Variants in AFG1L observed in about 807,000 individuals in gnomAD.
AFG1L encodes the protein AFG1-like ATPase.
Under a neutral mutation model 62.2 loss-of-function variants are expected in AFG1L, and 53 were observed. That is an observed-to-expected ratio of 0.85 (90% CI 0.68 to 1.07). The LOEUF (loss-of-function observed/expected upper bound fraction) is 1.07. Ranked by LOEUF, AFG1L falls within the 50% of genes least tolerant of loss-of-function variation. AFG1L has a pLI of 0.00. For synonymous variants in AFG1L, 228 were observed against 210.3 expected (o/e 1.08, Z -0.73); for missense variants, 555 against 590.5 (o/e 0.94, Z 0.62).
intron 7 of AFG1L, among the ~76,000 whole-genome samples, chr6:108,441,238 A>T (rs1771532472): frequency 6.6e-6 from 1 of 152,188 alleles, no homozygotes; most frequent in African/African-American, 2.4e-5. Flanking sequence ...GGTATTATTC[A>T]GGATTGCTAA....
intron 6 of AFG1L, among the ~76,000 whole-genome samples, chr6:108,378,993 C>CCTT: frequency 1.4e-5 from 2 of 148,094 alleles, no homozygotes; most frequent in Middle Eastern, 3.5e-3. Context: ...TTCTCCTTCT[C>CCTT]CTTCTTCTTT....
chr6:108,507,654 CATAAT>C (rs1272901062), intron 10 of AFG1L, among the ~76,000 whole-genome samples: 1 of 152,154 alleles, frequency 6.6e-6, no homozygotes, highest in Non-Finnish European at 1.5e-5. Context: ...TAACTACATA[CATAAT>C]ATGAGGTTTT....
chr6:108,412,375 G>C (rs1782157872), intron 7 of AFG1L, among the ~76,000 whole-genome samples: 1 of 152,156 alleles, frequency 6.6e-6, no homozygotes. Context: ...CCCAAACCTA[G>C]TGAGGCAGGC....
At chr6:108,338,895 A>G (rs1235005821) in intron 2 of AFG1L, among the ~76,000 whole-genome samples, 1 of 152,118 alleles carries the variant, frequency 6.6e-6, no homozygotes, top group African/African-American at 2.4e-5. Context: ...TTATTTATTT[A>G]TCTAGACAGA....
chr6:108,444,664 C>T (rs545687154), intron 7 of AFG1L, among the ~76,000 whole-genome samples: 1 of 152,274 alleles, frequency 6.6e-6, no homozygotes, highest in Non-Finnish European at 1.5e-5. Flanking sequence ...AGTGGATTGT[C>T]ATGAGCAGTA....
intron 8 of AFG1L, among the ~76,000 whole-genome samples, chr6:108,468,847 A>C (rs1345175429): frequency 1.3e-5 from 2 of 149,642 alleles, no homozygotes; most frequent in Non-Finnish European, 3.0e-5. Context: ...TGGATCTAGC[A>C]GTCCTATTTA....
At chr6:108,318,142 A>G (rs1777677506) in intron 1 of AFG1L, 1 of 189,194 alleles carries the variant, frequency 5.3e-6, no homozygotes, top group Admixed American at 6.0e-5. Flanking sequence ...CCAAGTACCA[A>G]CTTCATGCCA....
intron 2 of AFG1L, among the ~76,000 whole-genome samples, chr6:108,339,887 T>G (rs1778615094): frequency 6.6e-6 from 1 of 152,204 alleles, no homozygotes; most frequent in Non-Finnish European, 1.5e-5. Context: ...TCTCAAACAT[T>G]TATCCTTTGT....
chr6:108,372,583 C>T (rs1479741604), intron 6 of AFG1L, among the ~76,000 whole-genome samples: 1 of 152,162 alleles, frequency 6.6e-6, no homozygotes, highest in Non-Finnish European at 1.5e-5. Context: ...CCACCTCGGC[C>T]TCCCAAAGTG....
At position 108,325,370 on chromosome 6, in the gene AFG1L, C is replaced by T. The variant is rs182520881; in HGVS notation, c.363+1322C>T. Among the ~76,000 whole-genome samples the T allele has an allele frequency of 1.3e-4, 19 of 151,824 alleles. No homozygotes were observed. The East Asian group carries it at 1.9e-3, about 15-fold the overall frequency. The stretch of plus-strand genomic sequence containing the variant: ...GATATCTGAAGGGCACACCATGGCA[C>T]TCTACCCAGCTAACTTTCTACCTTG... On this transcript the variant is annotated intron_variant, in intron 2 of 12. Transcript: ENST00000368977.
chr6:108,372,415 C>T (rs548486165), intron 6 of AFG1L, among the ~76,000 whole-genome samples: 3 of 150,756 alleles, frequency 2.0e-5, no homozygotes, highest in Non-Finnish European at 3.0e-5. Context: ...CTGCAACCTC[C>T]GCCTCCTGGG....
At chr6:108,386,994 T>C (rs995021135) in intron 6 of AFG1L, among the ~76,000 whole-genome samples, 2 of 151,998 alleles carry the variant, frequency 1.3e-5, no homozygotes, top group African/African-American at 4.8e-5. Context: ...AAACAAATAA[T>C]AAAATCATGG....
At chr6:108,456,492 A>G (rs889361710) in intron 8 of AFG1L, among the ~76,000 whole-genome samples, 3 of 151,676 alleles carry the variant, frequency 2.0e-5, no homozygotes, top group African/African-American at 7.3e-5. Context: ...TATTTTTTAG[A>G]AAAAAATTAT....
At chr6:108,304,869 G>A (rs1000754068) in intron 1 of AFG1L, among the ~76,000 whole-genome samples, 2 of 152,148 alleles carry the variant, frequency 1.3e-5, no homozygotes, top group African/African-American at 4.8e-5. Context: ...GATACCAGAC[G>A]ACTAATAAAA....
Position 108,398,809 on chromosome 6 carries a change from T to G in AFG1L, c.749-3187T>G, listed in dbSNP as rs146409763. On this transcript the variant is annotated intron_variant, in intron 6 of 12. Transcript: ENST00000368977. ...CTCTATTTTGTTCTGTTGGTCTATG[T>G]GTCTGTTTTTGTGCCAGTACCATGC... Among the ~76,000 whole-genome samples the G allele has an allele frequency of 9.2e-4, 140 of 152,328 alleles. 1 individual carries two copies. The highest frequency in any genetic ancestry group is 3.0e-3 in the African/African-American group (125 of 41,578).
intron 3 of AFG1L, among the ~76,000 whole-genome samples, chr6:108,354,125 A>G (rs898136507): frequency 1.3e-5 from 2 of 152,136 alleles, no homozygotes; most frequent in Admixed American, 6.6e-5. Flanking sequence ...GCCAGGTACA[A>G]ACTGAGCTTG....
intron 10 of AFG1L, among the ~76,000 whole-genome samples, chr6:108,497,630 A>G (rs749668282): frequency 4.1e-4 from 62 of 152,104 alleles, no homozygotes; most frequent in Non-Finnish European, 8.2e-4. Flanking sequence ...CATAAGTTTT[A>G]TTTCTGGAAA....
intron 2 of AFG1L, among the ~76,000 whole-genome samples, chr6:108,341,849 T>G (rs1778695938): frequency 6.6e-6 from 1 of 152,162 alleles, no homozygotes; most frequent in African/African-American, 2.4e-5. Context: ...TGACAAATCT[T>G]ATAACTGGTC....
At chr6:108,300,056 CAA>C (rs1000025317) in intron 1 of AFG1L, among the ~76,000 whole-genome samples, 10 of 152,070 alleles carry the variant, frequency 6.6e-5, no homozygotes, top group Admixed American at 5.2e-4. Flanking sequence ...GACAATATAA[CAA>C]TATTATATTT....
Sources: allele counts gnomAD v4.1 joint callset (sites outside exome capture counted in the v4.1 genomes callset), GRCh38; gene constraint gnomAD v4.1.1; transcripts MANE v1.5; gene names NCBI Gene and HGNC (gene_info 2026-07-23, HGNC 2026-07-21).